The following GPR107 variants were observed in gnomAD, a reference collection of about 807,000 sequenced individuals.
GPR107 encodes the protein G protein-coupled receptor 107.
GPR107 carries 31 observed loss-of-function variants against 75.5 expected under a neutral mutation model. The ratio of observed to expected loss-of-function variants is 0.41; its 90% CI spans 0.31 to 0.55. The LOEUF is 0.55. Among genes scored for constraint, GPR107 ranks in the 20% least tolerant of loss-of-function variants. The pLI, the probability that GPR107 is intolerant of heterozygous loss-of-function variation, is 0.26. For missense variants in GPR107, 572 were observed against 665.7 expected, an observed-to-expected ratio of 0.86 and a Z score of 1.55; for synonymous variants, 267 against 251.3, an observed-to-expected ratio of 1.06 and a Z score of -0.59.
intron 9 of GPR107, among the ~76,000 whole-genome samples, chr9:130,092,720 A>G (rs1830772480): frequency 2.0e-5 from 3 of 151,624 alleles, no homozygotes; most frequent in African/African-American, 7.3e-5. Flanking sequence ...TGTTCATGCC[A>G]GTCTTCCACC....
intron 1 of GPR107, among the ~76,000 whole-genome samples, chr9:130,055,873 G>T (rs1829775444): frequency 6.6e-6 from 1 of 152,064 alleles, no homozygotes; most frequent in South Asian, 2.1e-4. Flanking sequence ...GAACCCGGGA[G>T]GCTGAGATTG....
Position 130,112,748 on chromosome 9 carries a change from TTTTA to T in GPR107, c.1306+5221_1306+5224del, listed in dbSNP as rs756706084. On this transcript the variant is annotated intron_variant, in intron 14 of 17. Transcript: ENST00000347136. The surrounding 1 kb of genome is among the most constrained non-coding windows in gnomAD (Gnocchi z 4.0). ...GCTTTTATTTTATTTTTTTGTTGTT[TTTTA>T]TTTATTTATTTTTTTGAGACAGGGT... Among the ~76,000 whole-genome samples, 1 of 152,026 alleles carries T rather than the reference TTTTA, an allele frequency of 6.6e-6. No homozygotes were observed. The highest frequency in any genetic ancestry group is 1.5e-5 in the Non-Finnish European group (1 of 68,008).
chr9:130,128,863 C>T, intron 17 of GPR107, 102 bp downstream of exon 17: 3 of 1,077,392 alleles, frequency 2.8e-6, no homozygotes, highest in Non-Finnish European at 4.1e-6. Flanking sequence ...TTCGTGGCTG[C>T]AGGGGTGGTT....
chr9:130,078,057 C>A (rs189724575), intron 4 of GPR107, among the ~76,000 whole-genome samples: 75 of 151,688 alleles, frequency 4.9e-4, no homozygotes, highest in Middle Eastern at 3.4e-3. Flanking sequence ...CCCAGCTATT[C>A]GGGAGGCTGA....
At position 130,101,291 on chromosome 9, in the gene GPR107, G is replaced by A. The variant is rs544563146; in HGVS notation, c.1131+68G>A. ...CTTAGCAGGGCTCAGCTCCAAGCCT[G>A]TATGGGAAGAGGGAGTCACCTCACC... On this transcript the variant is annotated intron_variant, in intron 12 of 17. Coordinates refer to ENST00000347136, the MANE Select transcript of GPR107 (RefSeq NM_020960.5). The A allele has an allele frequency of 4.2e-5, 36 of 857,176 alleles. No homozygotes were observed. The South Asian group carries it at 4.6e-4, about 11-fold the overall frequency. 53.1% of individuals were successfully genotyped at this position (857,176 alleles called of 1,614,324 possible).
chr9:130,059,095 A>G (rs990075208), intron 1 of GPR107, among the ~76,000 whole-genome samples: 1 of 152,128 alleles, frequency 6.6e-6, no homozygotes, highest in Non-Finnish European at 1.5e-5. Flanking sequence ...CTGCCAAACT[A>G]TTTTCCAAAG....
chr9:130,099,032 C>G (rs922618934), intron 9 of GPR107, among the ~76,000 whole-genome samples: 17 of 151,756 alleles, frequency 1.1e-4, no homozygotes, highest in African/African-American at 4.1e-4. Flanking sequence ...AAAGTTTTAG[C>G]TGGGTACAGT....
chr9:130,096,186 T>C (rs1422690041), intron 9 of GPR107, among the ~76,000 whole-genome samples: 1 of 152,166 alleles, frequency 6.6e-6, no homozygotes, highest in Non-Finnish European at 1.5e-5. Context: ...CTCTTTGTGG[T>C]GGGTGGTTTT....
At chr9:130,109,636 C>A (rs1287842452) in intron 14 of GPR107, among the ~76,000 whole-genome samples, 1 of 148,336 alleles carries the variant, frequency 6.7e-6, no homozygotes, top group Non-Finnish European at 1.5e-5. Context: ...GTGATGCGAT[C>A]TCAGCTCACT....
In GPR107 at chr9:130,137,897, G is replaced by C. The variant is rs1369128895; in HGVS notation, c.*2776G>C. 6 of 152,254 alleles carry C rather than the reference G, an allele frequency of 3.9e-5. No homozygotes were observed. The highest frequency in any genetic ancestry group is 1.5e-5 in the Non-Finnish European group (1 of 68,046). 9.4% of individuals were successfully genotyped at this position (152,254 alleles called of 1,614,324 possible). A position where few individuals can be genotyped will look rare whatever the true frequency, so the allele number is the denominator to read the frequency against. On this transcript the variant is annotated 3_prime_UTR_variant, in exon 18 of 18. Coordinates refer to ENST00000347136, the MANE Select transcript of GPR107 (RefSeq NM_020960.5). ...TTGGTGGTATTTATAGCTTTGCTTT[G>C]TACTCCTCACTGTTTCTGCCTACGC...
rs1829979821 is a variant in GPR107, at chr9:130,063,383, G to A, written c.141+9310G>A. 1.3e-5 allele frequency among the ~76,000 whole-genome samples: 2 copies of A among 152,094 alleles called. 1 individual carries two copies. The highest frequency in any genetic ancestry group is 4.8e-5 in the African/African-American group (2 of 41,398). On this transcript the variant is annotated intron_variant, in intron 1 of 17. Coordinates refer to ENST00000347136, the MANE Select transcript of GPR107 (RefSeq NM_020960.5). ...TTTTTTGTATTTTTAGTAGAGACAG[G>A]GTTTCACCGTGTTAGCCAGGATGGT...
chr9:130,064,025 G>A (rs1390911462), intron 1 of GPR107, among the ~76,000 whole-genome samples: 2 of 151,200 alleles, frequency 1.3e-5, no homozygotes, highest in South Asian at 2.1e-4. Flanking sequence ...GACGGGTCTC[G>A]AACTCCTGAC....
At chr9:130,074,053 G>T (rs532723332) in intron 1 of GPR107, among the ~76,000 whole-genome samples, 2 of 152,168 alleles carry the variant, frequency 1.3e-5, no homozygotes, top group Non-Finnish European at 2.9e-5. Flanking sequence ...CACCACGCCC[G>T]GCCGAGTCCT....
At chr9:130,063,189 T>G (rs1220448094) in intron 1 of GPR107, among the ~76,000 whole-genome samples, 1 of 151,856 alleles carries the variant, frequency 6.6e-6, no homozygotes, top group Non-Finnish European at 1.5e-5. Flanking sequence ...CATAAAAATA[T>G]AACATGCTTT....
At position 130,107,504 on chromosome 9, in the gene GPR107, G is replaced by C; in HGVS notation, c.1271G>C (p.Arg424Thr). Residue 424 changes from arginine to threonine, a missense_variant, in exon 14 of 18, where the codon AGA becomes ACA. Arg to Thr is a moderately conservative substitution (Grantham distance 71). Transcript: ENST00000347136. Reference sequence around the variant, plus strand: ...TAAATGTTTATTTTTAGGTCAATCAGACATTTACAAGAAGCATCAGCAACA... The same window carrying C: ...TAAATGTTTATTTTTAGGTCAATCACACATTTACAAGAAGCATCAGCAACA... ...AILFPVVWSI[R>T]HLQEASATDG... 13 of 1,587,458 alleles carry C rather than the reference G, an allele frequency of 8.2e-6. No individual in the cohort carries two copies. The highest frequency in any genetic ancestry group is 1.3e-5 in the African/African-American group (1 of 74,590).
chr9:130,107,364 G>C, intron 13 of GPR107, 132 bp from the exon 14 acceptor site: 1 of 682,466 alleles, frequency 1.5e-6, no homozygotes, highest in Non-Finnish European at 2.7e-6. Context: ...TTTAGGGAGA[G>C]TGCTCTAAAG....
At chr9:130,115,762 CAA>C (rs765306078) in intron 14 of GPR107, among the ~76,000 whole-genome samples, 23,907 of 89,284 alleles carry the variant, frequency 0.27, 2,018 homozygotes, top group Non-Finnish European at 0.31. Context: ...GACTCCGTCT[CAA>C]AAAAAAAAAA....
intron 14 of GPR107, among the ~76,000 whole-genome samples, chr9:130,111,083 C>A (rs1374662871): frequency 2.0e-5 from 3 of 152,012 alleles, no homozygotes; most frequent in Admixed American, 6.5e-5. Flanking sequence ...AAACTCCTAA[C>A]CTCAAGCCAT....
intron 1 of GPR107, among the ~76,000 whole-genome samples, chr9:130,073,645 G>A (rs947721910): frequency 1.3e-5 from 2 of 152,212 alleles, no homozygotes; most frequent in Admixed American, 6.5e-5. Context: ...CCCAAAAAAG[G>A]GAAGAAGGAG....
Sources: gnomAD v4.1 joint callset for allele counts (sites outside exome capture counted in the v4.1 genomes callset) on GRCh38, gnomAD v4.1.1 for gene constraint, Gnocchi (gnomAD v3.1) non-coding constraint, MANE v1.5 for transcripts, NCBI Gene and HGNC (gene_info 2026-07-23, HGNC 2026-07-21) for gene names.